Variants in SLC14A2 observed in about 807,000 individuals in gnomAD.
SLC14A2 encodes solute carrier family 14 member 2.
A neutral mutation model predicts 104.6 loss-of-function variants in SLC14A2; 91 were observed. The ratio of observed to expected loss-of-function variants is 0.87; its 90% CI spans 0.73 to 1.04. The LOEUF is 1.04. Ranked by LOEUF, SLC14A2 falls within the 50% of genes least tolerant of loss-of-function variation. The pLI is 0.00. For synonymous variants in SLC14A2, 476 were observed against 466.4 expected, an observed-to-expected ratio of 1.02 and a Z score of -0.27; for missense variants, 1,189 against 1,156.0, an observed-to-expected ratio of 1.03 and a Z score of -0.41.
intron 1 of SLC14A2, among the ~76,000 whole-genome samples, chr18:45,452,875 A>T (rs1192924994): frequency 6.6e-6 from 1 of 152,214 alleles, no homozygotes; most frequent in African/African-American, 2.4e-5. Flanking sequence ...AGCACCAGAG[A>T]TCCACAGAGA....
rs764700966 is a variant in SLC14A2, at chr18:45,625,745, T to C, written c.213T>C (p.Ser71=). The change falls in exon 3 of 20, where the codon AGT becomes AGC. Residue 71 remains serine, a synonymous_variant. Transcript: ENST00000255226. The part of the protein sequence containing the change: ...IVKIEKLNER[S]KRKDDGVAHR... ...AGATCGAAAAGCTCAATGAAAGGAGTAAAAGGAAAGACGACGGGGTGGCCC... is the reference window on the plus strand; with the variant it reads ...AGATCGAAAAGCTCAATGAAAGGAGCAAAAGGAAAGACGACGGGGTGGCCC... 1.9e-6 allele frequency: 3 copies of C among 1,563,788 alleles called. No homozygotes were observed. Among genetic ancestry groups the C allele is most frequent in the East Asian group, 4.9e-5 (2 of 40,706 alleles).
chr18:45,405,072 T>A (rs2542966), intron 1 of SLC14A2, among the ~76,000 whole-genome samples: 1 of 152,030 alleles, frequency 6.6e-6, no homozygotes, highest in African/African-American at 2.4e-5. Context: ...CTACTAGTTG[T>A]GGCATTTTGC....
At chr18:45,567,977 G>A (rs1237610051) in intron 2 of SLC14A2, among the ~76,000 whole-genome samples, 4 of 152,060 alleles carry the variant, frequency 2.6e-5, no homozygotes, top group East Asian at 1.9e-4. Flanking sequence ...TGACCCGGGC[G>A]GTTCTTTCCA....
intron 1 of SLC14A2, among the ~76,000 whole-genome samples, chr18:45,342,379 G>A (rs539904735): frequency 4.6e-5 from 7 of 152,278 alleles, no homozygotes; most frequent in African/African-American, 1.7e-4. Context: ...GGAACAGCAG[G>A]GGGATTCCTT....
the SLC14A2 span, among the ~76,000 whole-genome samples, chr18:45,180,830 A>G: frequency 6.6e-6 from 1 of 152,226 alleles, no homozygotes; most frequent in Admixed American, 6.5e-5. Flanking sequence ...ATAAAATCAA[A>G]CAATATATTT....
At chr18:45,188,334 G>C in the SLC14A2 span, among the ~76,000 whole-genome samples, 1 of 152,140 alleles carries the variant, frequency 6.6e-6, no homozygotes, top group African/African-American at 2.4e-5. Context: ...CACCTCCTCA[G>C]TGATGATCAT....
chr18:45,234,143 C>A (rs2084202766), intron 1 of SLC14A2, among the ~76,000 whole-genome samples: 1 of 152,168 alleles, frequency 6.6e-6, no homozygotes, highest in South Asian at 2.1e-4. Context: ...CCTTAACCTG[C>A]CCAGCACCAG....
intron 1 of SLC14A2, among the ~76,000 whole-genome samples, chr18:45,431,347 G>T (rs1279271112): frequency 6.6e-6 from 1 of 152,108 alleles, no homozygotes; most frequent in Non-Finnish European, 1.5e-5. Context: ...ATTAATGAAT[G>T]AATCCTGGCC....
chr18:45,335,603 T>A (rs933221181), intron 1 of SLC14A2, among the ~76,000 whole-genome samples: 1 of 152,240 alleles, frequency 6.6e-6, no homozygotes, highest in Non-Finnish European at 1.5e-5. Flanking sequence ...CAACTTGTGG[T>A]GAGTATTCTC....
chr18:45,328,596 T>C (rs1568153504), intron 1 of SLC14A2, among the ~76,000 whole-genome samples: 1 of 152,130 alleles, frequency 6.6e-6, no homozygotes, highest in African/African-American at 2.4e-5. Context: ...AGAATAACAA[T>C]AGGATTAAAT....
At chr18:45,643,593 T>A (rs749070398) in intron 9 of SLC14A2, among the ~76,000 whole-genome samples, 3 of 152,148 alleles carry the variant, frequency 2.0e-5, no homozygotes, top group Non-Finnish European at 1.5e-5. Context: ...AATGCAGTAG[T>A]GCAATCTTGG....
chr18:45,392,716 A>C (rs1198538917), intron 1 of SLC14A2, among the ~76,000 whole-genome samples: 1 of 152,226 alleles, frequency 6.6e-6, no homozygotes. Context: ...ATACATATAC[A>C]ACTAGGAAGT....
chr18:45,189,568 A>T, the SLC14A2 span, among the ~76,000 whole-genome samples: 1 of 152,212 alleles, frequency 6.6e-6, no homozygotes, highest in Non-Finnish European at 1.5e-5. Context: ...TGGGTCTTGT[A>T]CTTGGACTTC....
At chr18:45,433,574 G>A (rs973769006) in intron 1 of SLC14A2, among the ~76,000 whole-genome samples, 4 of 152,100 alleles carry the variant, frequency 2.6e-5, no homozygotes, top group African/African-American at 9.7e-5. Context: ...ACCTGCTACT[G>A]GGTTAAAAAG....
At chr18:45,393,446 C>T (rs904277043) in intron 1 of SLC14A2, among the ~76,000 whole-genome samples, 5 of 152,182 alleles carry the variant, frequency 3.3e-5, no homozygotes, top group South Asian at 4.1e-4. Context: ...AGACATGACA[C>T]CTCAGTTGCT....
At position 45,542,035 on chromosome 18, in the gene SLC14A2, G is replaced by GTTTTTTTTTTTT. The variant is rs60977948; in HGVS notation, c.-35+58739_-35+58750dup. Among the ~76,000 whole-genome samples the GTTTTTTTTTTTT allele has an allele frequency of 6.6e-4, 36 of 54,236 alleles. 4 individuals are homozygous for GTTTTTTTTTTTT. Among genetic ancestry groups the GTTTTTTTTTTTT allele is most frequent in the Non-Finnish European group, 8.1e-4 (22 of 27,026 alleles). 35.6% of individuals were successfully genotyped at this position (54,236 alleles called of 152,430 possible). ...GGGCTTGTTAGATGAAAGAGAGAGG[G>GTTTTTTTTTTTT]TTTTTTTTTTTTTTTTTTTTTTTTT... On this transcript the variant is annotated intron_variant, in intron 2 of 20. Transcript: ENST00000586448.
chr18:45,353,179 A>G (rs1277047824), intron 1 of SLC14A2, among the ~76,000 whole-genome samples: 1 of 152,212 alleles, frequency 6.6e-6, no homozygotes, highest in Admixed American at 6.5e-5. Context: ...TTCGTCCACA[A>G]GGACTCAAAT....
At chr18:45,518,606 C>T (rs534154520) in intron 2 of SLC14A2, among the ~76,000 whole-genome samples, 57 of 152,260 alleles carry the variant, frequency 3.7e-4, no homozygotes, top group Admixed American at 2.7e-3. Context: ...TGCCTGGGGT[C>T]GCTGGAAAAG....
At chr18:45,665,940 A>G (rs2046015215) in intron 11 of SLC14A2, among the ~76,000 whole-genome samples, 197 bp from the exon 12 acceptor site, 1 of 152,082 alleles carries the variant, frequency 6.6e-6, no homozygotes, top group Non-Finnish European at 1.5e-5. Context: ...CCCCAAAGCG[A>G]GGGCCCAGAT....
Sources: allele counts gnomAD v4.1 joint callset (sites outside exome capture counted in the v4.1 genomes callset), GRCh38; gene constraint gnomAD v4.1.1; transcripts MANE v1.5; gene names NCBI Gene and HGNC (gene_info 2026-07-23, HGNC 2026-07-21).